GULP1: variants seen among roughly 807,000 people sequenced by gnomAD.
The protein encoded by GULP1 is GULP PTB domain containing engulfment adaptor 1.
GULP1 carries 19 observed loss-of-function variants against 40.9 expected under a neutral mutation model. That is an observed-to-expected ratio of 0.46 (90% CI 0.32 to 0.68). GULP1 has a LOEUF of 0.68. Ranked by LOEUF, GULP1 falls within the 30% of genes least tolerant of loss-of-function variation. GULP1 has a pLI of 0.03. For synonymous variants in GULP1, 119 were observed against 117.6 expected, an observed-to-expected ratio of 1.01 and a Z score of -0.08; for missense variants, 312 against 362.2, an observed-to-expected ratio of 0.86 and a Z score of 1.12.
chr2:188,380,165 GA>G (rs1250948616), intron 1 of GULP1, among the ~76,000 whole-genome samples: 3 of 152,158 alleles, frequency 2.0e-5, no homozygotes, highest in Admixed American at 2.0e-4. Context: ...TTTCCTTAGT[GA>G]GATGACTAGA....
At chr2:188,417,478 T>C (rs2054734426) in intron 2 of GULP1, among the ~76,000 whole-genome samples, 3 of 152,224 alleles carry the variant, frequency 2.0e-5, no homozygotes, top group Admixed American at 2.0e-4. Flanking sequence ...TACTATAAGT[T>C]ATTCGAATTA....
intron 4 of GULP1, among the ~76,000 whole-genome samples, chr2:188,511,039 G>C (rs1559326642): frequency 6.6e-6 from 1 of 152,018 alleles, no homozygotes; most frequent in Non-Finnish European, 1.5e-5. Context: ...CTAGTCGCTG[G>C]TTGTATTTTC....
chr2:188,438,058 C>T (rs1266226773), intron 2 of GULP1, among the ~76,000 whole-genome samples: 1 of 151,718 alleles, frequency 6.6e-6, no homozygotes, highest in East Asian at 1.9e-4. Context: ...CACACGTGCA[C>T]CCTGAACCTA....
intron 6 of GULP1, among the ~76,000 whole-genome samples, chr2:188,530,771 G>T (rs182382028): frequency 6.6e-6 from 1 of 152,104 alleles, no homozygotes; most frequent in Admixed American, 6.6e-5. Flanking sequence ...GTTATGGCAG[G>T]CTTAGTAAAC....
chr2:188,395,017 A>G (rs1200088021), intron 2 of GULP1, among the ~76,000 whole-genome samples: 1 of 152,152 alleles, frequency 6.6e-6, no homozygotes, highest in Admixed American at 6.5e-5. Context: ...TTCCAGCTTC[A>G]GGCCGGTAGA....
At chr2:188,366,860 TG>T (rs2046874087) in intron 1 of GULP1, among the ~76,000 whole-genome samples, 1 of 152,224 alleles carries the variant, frequency 6.6e-6, no homozygotes, top group South Asian at 2.1e-4. Context: ...CCCGAAGTGC[TG>T]GGATTACAGG....
intron 2 of GULP1, among the ~76,000 whole-genome samples, chr2:188,474,174 C>G (rs2060819105): frequency 6.6e-6 from 1 of 152,284 alleles, no homozygotes; most frequent in Non-Finnish European, 1.5e-5. Flanking sequence ...AGAGTCCTTT[C>G]CACTCTTCCC....
chr2:188,540,214 T>A (rs1414268279), intron 6 of GULP1, among the ~76,000 whole-genome samples: 1 of 152,062 alleles, frequency 6.6e-6, no homozygotes. Context: ...TTTTTCTACT[T>A]GTCATAATCA....
At chr2:188,559,877 A>G (rs1369789610) in intron 7 of GULP1, among the ~76,000 whole-genome samples, 2 of 152,118 alleles carry the variant, frequency 1.3e-5, no homozygotes, top group African/African-American at 2.4e-5. Flanking sequence ...GGTAGTGAAT[A>G]AGTCTCATGA....
chr2:188,479,661 C>G lies in GULP1; in HGVS notation c.28+1931C>G, dbSNP rs902417680. 1.3e-5 allele frequency among the ~76,000 whole-genome samples: 2 copies of G among 152,074 alleles called. 1 individual carries two copies. Among genetic ancestry groups the G allele is most frequent in the Middle Eastern group, 6.3e-3 (2 of 316 alleles). On this transcript the variant is annotated intron_variant, in intron 3 of 11. Transcript: ENST00000409830. ...TCTAACTTATTTTTAATAAATACTT[C>G]TAGACCTTCTTTTTATATATATATG...
At chr2:188,578,639 T>A (rs922640038) in intron 9 of GULP1, among the ~76,000 whole-genome samples, 1 of 152,118 alleles carries the variant, frequency 6.6e-6, no homozygotes, top group African/African-American at 2.4e-5. Flanking sequence ...AACTTCTGTA[T>A]AATTACCATA....
intron 2 of GULP1, among the ~76,000 whole-genome samples, chr2:188,452,312 C>T (rs917634389): frequency 1.6e-4 from 25 of 152,082 alleles, no homozygotes; most frequent in Non-Finnish European, 2.6e-4. Flanking sequence ...GGTTTTTCAC[C>T]TCCAGGTCAC....
chr2:188,524,163 G>A (rs944125463), intron 5 of GULP1, among the ~76,000 whole-genome samples: 2 of 152,142 alleles, frequency 1.3e-5, no homozygotes, highest in Admixed American at 1.3e-4. Context: ...TTTACACATA[G>A]TATTTCTTTA....
intron 1 of GULP1, among the ~76,000 whole-genome samples, chr2:188,320,688 A>C (rs1409863410): frequency 6.6e-6 from 1 of 152,162 alleles, no homozygotes; most frequent in African/African-American, 2.4e-5. Context: ...AAGTTTAAGT[A>C]TGTATGGATT....
chr2:188,342,060 AG>A (rs1209420728), intron 1 of GULP1, among the ~76,000 whole-genome samples: 1 of 152,242 alleles, frequency 6.6e-6, no homozygotes, highest in Non-Finnish European at 1.5e-5. Flanking sequence ...TTTTAGAAGT[AG>A]AAAGAACATA....
intron 1 of GULP1, among the ~76,000 whole-genome samples, chr2:188,341,033 G>T (rs1288864752): frequency 6.6e-6 from 1 of 152,164 alleles, no homozygotes; most frequent in East Asian, 1.9e-4. Flanking sequence ...GGACAGGTCA[G>T]GGGTGGTTTT....
chr2:188,583,938 G>A (rs1441194841), intron 9 of GULP1, among the ~76,000 whole-genome samples: 2 of 152,070 alleles, frequency 1.3e-5, no homozygotes, highest in African/African-American at 2.4e-5. Context: ...CTAATTCTCT[G>A]TTACAAGTAG....
In GULP1 at chr2:188,388,595, G is replaced by A. The variant is rs186089907; in HGVS notation, c.-45+4706G>A. 2.0e-3 allele frequency among the ~76,000 whole-genome samples: 305 copies of A among 152,110 alleles called. 1 individual carries two copies. Among genetic ancestry groups the A allele is most frequent in the African/African-American group, 7.1e-3 (294 of 41,532 alleles). ...AAGAAGTTTAATTTAAAAGTGATAT[G>A]TGTGTTAGACTAATGAAGAGAGAGC... On this transcript the variant is annotated intron_variant, in intron 2 of 11. Coordinates refer to ENST00000409830, the MANE Select transcript of GULP1 (RefSeq NM_016315.4).
intron 2 of GULP1, among the ~76,000 whole-genome samples, chr2:188,467,579 C>T (rs939595002): frequency 2.0e-5 from 3 of 151,898 alleles, no homozygotes; most frequent in South Asian, 4.1e-4. Flanking sequence ...GTAATACATC[C>T]GTAAGCTGTA....
Sources: allele counts gnomAD v4.1 joint callset (sites outside exome capture counted in the v4.1 genomes callset), GRCh38; gene constraint gnomAD v4.1.1; transcripts MANE v1.5; gene names NCBI Gene and HGNC (gene_info 2026-07-23, HGNC 2026-07-21).